The following MIPOL1 variants were observed in gnomAD, a reference collection of about 807,000 sequenced individuals.
MIPOL1 encodes mirror-image polydactyly 1.
In MIPOL1, 57 loss-of-function variants were observed where a neutral mutation model predicts 60.9. That is an observed-to-expected ratio of 0.94 (90% CI 0.76 to 1.17). The LOEUF (loss-of-function observed/expected upper bound fraction) is 1.17. Ranked by LOEUF, MIPOL1 falls within the 50% of genes most tolerant of loss-of-function variation. The pLI, the probability that MIPOL1 is intolerant of heterozygous loss-of-function variation, is 0.00. For synonymous variants in MIPOL1, 179 were observed against 168.8 expected (o/e 1.06, Z -0.47); for missense variants, 551 against 511.6 (o/e 1.08, Z -0.74).
At chr14:37,447,936 A>G (rs578077091) in intron 11 of MIPOL1, among the ~76,000 whole-genome samples, 14 of 152,122 alleles carry the variant, frequency 9.2e-5, no homozygotes, top group South Asian at 2.1e-4. Context: ...AAAGAGATCA[A>G]ATGACTTGGC....
intron 11 of MIPOL1, among the ~76,000 whole-genome samples, chr14:37,479,328 T>C (rs1029485364): frequency 2.6e-5 from 4 of 152,106 alleles, no homozygotes; most frequent in Admixed American, 6.5e-5. Flanking sequence ...TTTAAGAATA[T>C]TGAAATCATA....
Position 37,308,461 on chromosome 14 carries a change from GAATAAC to G in MIPOL1, c.771_776del (p.Arg257_Thr259delinsSer), listed in dbSNP as rs1232863315. 1.9e-6 allele frequency: 3 copies of G among 1,604,098 alleles called. No individual in the cohort carries two copies. The highest frequency in any genetic ancestry group is 2.5e-6 in the Non-Finnish European group (3 of 1,176,542). On this transcript the variant is annotated inframe_deletion, in exon 9 of 13. Transcript: ENST00000684589. ...TACAAGACCAAGGAATGTAAAATGA[GAATAAC>G]TGCAGAAGAAATGAGTGCACTAATA... is the stretch of plus-strand genomic sequence containing the variant.
chr14:37,200,416 A>G (rs1965040906), intron 1 of MIPOL1, among the ~76,000 whole-genome samples: 1 of 152,258 alleles, frequency 6.6e-6, no homozygotes, highest in Admixed American at 6.5e-5. Context: ...TAAATTGGGT[A>G]TCACCAGACC....
Position 37,437,750 on chromosome 14 carries a change from C to T in MIPOL1, c.1031+14801C>T, listed in dbSNP as rs113346866. On this transcript the variant is annotated intron_variant, in intron 11 of 12. Transcript: ENST00000684589. ...GTAAGAATTGTAATTATACCTGCCT[C>T]ATATCATTGTTTTAGAATAACCAAA... Among the ~76,000 whole-genome samples the T allele has an allele frequency of 2.2e-3, 338 of 152,212 alleles. 2 individuals are homozygous for T. Among genetic ancestry groups the T allele is most frequent in the African/African-American group, 7.6e-3 (316 of 41,542 alleles).
chr14:37,508,373 G>A (rs1246642090), intron 12 of MIPOL1, among the ~76,000 whole-genome samples: 1 of 152,020 alleles, frequency 6.6e-6, no homozygotes, highest in Non-Finnish European at 1.5e-5. Context: ...CTGCTACTCA[G>A]TACAGTATGG....
At chr14:37,451,008 G>A (rs1049613344) in intron 11 of MIPOL1, among the ~76,000 whole-genome samples, 10 of 152,112 alleles carry the variant, frequency 6.6e-5, no homozygotes, top group African/African-American at 1.4e-4. Context: ...TAATAAAGTG[G>A]TATTACAACT....
At chr14:37,322,162 A>AATG (rs1595127441) in intron 9 of MIPOL1, among the ~76,000 whole-genome samples, 1 of 151,966 alleles carries the variant, frequency 6.6e-6, no homozygotes, top group Non-Finnish European at 1.5e-5. Context: ...CATTAGATGG[A>AATG]ATTCTGTATT....
downstream of MIPOL1, chr14:37,551,697 C>A (rs1043926391): frequency 6.6e-6 from 1 of 151,538 alleles, no homozygotes; most frequent in Non-Finnish European, 1.5e-5. Context: ...ACGGTGAAAC[C>A]CCGTCTCTAC....
intron 12 of MIPOL1, chr14:37,506,137 G>A (rs889688478): frequency 2.0e-5 from 3 of 152,080 alleles, no homozygotes; most frequent in Admixed American, 6.5e-5. Context: ...CCATGCTCAC[G>A]GATAGGAATA....
At chr14:37,484,503 C>T (rs1371735724) in intron 11 of MIPOL1, among the ~76,000 whole-genome samples, 2 of 151,716 alleles carry the variant, frequency 1.3e-5, no homozygotes, top group Admixed American at 6.6e-5. Context: ...GCGCCCAGCA[C>T]ATTTTTGTAT....
At chr14:37,360,832 G>T (rs1265221046) in intron 9 of MIPOL1, among the ~76,000 whole-genome samples, 1 of 152,050 alleles carries the variant, frequency 6.6e-6, no homozygotes, top group African/African-American at 2.4e-5. Context: ...GTTCTGCTCT[G>T]ATCTTAGTTA....
intron 9 of MIPOL1, among the ~76,000 whole-genome samples, chr14:37,333,992 G>GT (rs5807947): frequency 0.97 from 147,617 of 152,108 alleles, 71,688 homozygotes; most frequent in East Asian, 1. Flanking sequence ...AGGCATATAT[G>GT]TCTGTCTACA....
intron 12 of MIPOL1, among the ~76,000 whole-genome samples, chr14:37,542,019 A>G (rs2095531698): frequency 6.6e-6 from 1 of 152,160 alleles, no homozygotes; most frequent in African/African-American, 2.4e-5. Flanking sequence ...ATCCTAACCA[A>G]GCTCTTATAA....
chr14:37,323,685 A>G (rs2153448759), intron 9 of MIPOL1, among the ~76,000 whole-genome samples: 1 of 152,196 alleles, frequency 6.6e-6, no homozygotes, highest in African/African-American at 2.4e-5. Context: ...ACAAATTCAT[A>G]CACCCATGTA....
At chr14:37,247,753 T>C (rs1451117169) in intron 2 of MIPOL1, 76 bp from the exon 3 acceptor site, 3 of 746,988 alleles carry the variant, frequency 4.0e-6, no homozygotes, top group Non-Finnish European at 6.4e-6. Flanking sequence ...AAATTCTCTG[T>C]TAAACAAAGG....
At chr14:37,353,872 A>G (rs1261461132) in intron 9 of MIPOL1, among the ~76,000 whole-genome samples, 5 of 152,010 alleles carry the variant, frequency 3.3e-5, no homozygotes, top group East Asian at 1.9e-4. Flanking sequence ...TGGATTCATT[A>G]ATTTTTTGAA....
chr14:37,459,062 A>G (rs545310261), intron 11 of MIPOL1, among the ~76,000 whole-genome samples: 19 of 152,124 alleles, frequency 1.2e-4, no homozygotes, highest in Non-Finnish European at 1.9e-4. Context: ...CAAAAAGATA[A>G]AAAGGTCTTG....
chr14:37,210,523 A>G (rs1304152972), intron 1 of MIPOL1, among the ~76,000 whole-genome samples: 2 of 152,192 alleles, frequency 1.3e-5, no homozygotes, highest in Non-Finnish European at 2.9e-5. Context: ...TTATCAATGC[A>G]GAACTAGCCA....
At chr14:37,424,075 T>C (rs1455664765) in intron 11 of MIPOL1, among the ~76,000 whole-genome samples, 2 of 152,176 alleles carry the variant, frequency 1.3e-5, no homozygotes, top group East Asian at 3.9e-4. Context: ...TGTAGTTCCA[T>C]AAGAGTTGGT....
Sources: gnomAD v4.1 joint callset for allele counts (sites outside exome capture counted in the v4.1 genomes callset) on GRCh38, gnomAD v4.1.1 for gene constraint, MANE v1.5 for transcripts, NCBI Gene and HGNC (gene_info 2026-07-23, HGNC 2026-07-21) for gene names.